The following RGS22 variants were observed in gnomAD, a reference collection of about 807,000 sequenced individuals.
The protein encoded by RGS22 is regulator of G-protein signaling 22.
RGS22 carries 148 observed loss-of-function variants against 172.9 expected under a neutral mutation model. That is an observed-to-expected ratio of 0.86 (90% CI 0.75 to 0.98). The LOEUF is 0.98. RGS22 is among the 50% of genes least tolerant of loss of function. The pLI is 0.00. For missense variants in RGS22, 1,347 were observed against 1,440.8 expected (o/e 0.93, Z 1.05); for synonymous variants, 458 against 480.2 (o/e 0.95, Z 0.60).
rs190078861 is a variant in RGS22, at chr8:100,083,958, T to C, written c.118-3603A>G. Reference sequence around the variant, plus strand: ...TCCGCCTCCCGAGTTCAAGGGATTCTCCTGCCTCAGCCTCCCAAGTAGCTG... The same window carrying C: ...TCCGCCTCCCGAGTTCAAGGGATTCCCCTGCCTCAGCCTCCCAAGTAGCTG... On this transcript the variant is annotated intron_variant, in intron 3 of 27. Coordinates refer to ENST00000360863, the MANE Select transcript of RGS22 (RefSeq NM_015668.5). Among the ~76,000 whole-genome samples, 3 of 151,608 alleles carry C rather than the reference T, an allele frequency of 2.0e-5. No homozygotes were observed. The East Asian group carries it at 5.9e-4, about 30-fold the overall frequency.
intron 9 of RGS22, among the ~76,000 whole-genome samples, chr8:100,055,709 C>G (rs1368863435): frequency 6.6e-6 from 1 of 152,172 alleles, no homozygotes; most frequent in Non-Finnish European, 1.5e-5. Context: ...TTACAGTTCC[C>G]CTGCACAAGT....
chr8:100,085,687 C>A (rs137907620), intron 3 of RGS22, among the ~76,000 whole-genome samples: 1 of 152,278 alleles, frequency 6.6e-6, no homozygotes, highest in East Asian at 1.9e-4. Context: ...TCACCCTTAG[C>A]ATGATGATAT....
intron 19 of RGS22, among the ~76,000 whole-genome samples, chr8:99,998,880 G>A (rs938066176): frequency 4.6e-5 from 7 of 152,170 alleles, no homozygotes; most frequent in Non-Finnish European, 1.0e-4. Flanking sequence ...ACTAAGGCCT[G>A]GCATGGCGTC....
In RGS22 at chr8:100,036,003, T is replaced by G. The variant is rs145468734; in HGVS notation, c.2166+2928A>C. Among the ~76,000 whole-genome samples the G allele has an allele frequency of 5.9e-3, 896 of 152,210 alleles. 6 individuals are homozygous for G. The highest frequency in any genetic ancestry group is 0.021 in the African/African-American group (858 of 41,494). ...GGATAGCATTAGGAGAAATACCTAA[T>G]GTAAATGACAAGTTGATGGGTGCAG... On this transcript the variant is annotated intron_variant, in intron 14 of 27. Transcript: ENST00000360863.
At chr8:100,099,826 C>T (rs902576858) in intron 2 of RGS22, among the ~76,000 whole-genome samples, 6 of 152,184 alleles carry the variant, frequency 3.9e-5, no homozygotes, top group African/African-American at 1.4e-4. Flanking sequence ...GCTCTGCAAC[C>T]TCTTAAAGAA....
At chr8:100,082,133 T>C (rs1005013492) in intron 3 of RGS22, among the ~76,000 whole-genome samples, 1 of 152,192 alleles carries the variant, frequency 6.6e-6, no homozygotes, top group Admixed American at 6.5e-5. Flanking sequence ...GTAGTTACGG[T>C]ATAGTTGGCA....
At chr8:99,968,545 A>C (rs1216326755) in intron 23 of RGS22, among the ~76,000 whole-genome samples, 1 of 152,024 alleles carries the variant, frequency 6.6e-6, no homozygotes, top group Admixed American at 6.6e-5. Flanking sequence ...TGAATGACCT[A>C]ATGGAGCTGA....
chr8:100,006,147 TG>T, intron 15 of RGS22, 38 bp from the exon 16 acceptor site: 1 of 1,534,608 alleles, frequency 6.5e-7, no homozygotes, highest in Non-Finnish European at 8.9e-7. Context: ...ATCAAGAGAA[TG>T]TACAATTTGC....
chr8:100,052,357 A>T (rs1821752279), intron 10 of RGS22, among the ~76,000 whole-genome samples: 1 of 148,130 alleles, frequency 6.8e-6, no homozygotes, highest in East Asian at 2.0e-4. Context: ...GCTGGAGTGC[A>T]GTGGCGCTAT....
chr8:100,067,269 T>C (rs538009557), intron 6 of RGS22, among the ~76,000 whole-genome samples: 2 of 152,228 alleles, frequency 1.3e-5, no homozygotes, highest in East Asian at 3.9e-4. Context: ...GACAGAGAAA[T>C]CAGAGGTGGC....
At chr8:100,045,475 A>C (rs1355092184) in intron 11 of RGS22, among the ~76,000 whole-genome samples, 1 of 152,172 alleles carries the variant, frequency 6.6e-6, no homozygotes, top group Non-Finnish European at 1.5e-5. Flanking sequence ...AATAGTTCTT[A>C]AACAGATTTT....
chr8:99,984,528 C>G (rs1472406548), intron 21 of RGS22, among the ~76,000 whole-genome samples: 1 of 152,026 alleles, frequency 6.6e-6, no homozygotes, highest in Non-Finnish European at 1.5e-5. Flanking sequence ...ATACTTTCCT[C>G]TAGTAAGCTT....
In RGS22 at chr8:100,008,392, G is replaced by C. The variant is rs146844474; in HGVS notation, c.2344C>G (p.Gln782Glu). 4.3e-6 allele frequency: 7 copies of C among 1,609,940 alleles called. No individual in the cohort carries two copies. In the South Asian group the frequency reaches 6.7e-5, roughly 15 times the overall value. ...CACGGTACCTTTTTATAAGCAATTT[G>C]GTCCGATTTTACCATCTTTGTCCAT... Reference protein sequence around the residue: ...EPWTKMVKSDQIAYKKVELVE... With the variant: ...EPWTKMVKSDEIAYKKVELVE... Residue 782 changes from glutamine to glutamate, a missense_variant, in exon 15 of 28, where the codon CAA becomes GAA. Gln to Glu is a conservative substitution (Grantham distance 29). Coordinates refer to ENST00000360863, the MANE Select transcript of RGS22 (RefSeq NM_015668.5).
At chr8:100,024,638 A>G (rs1817976678) in intron 14 of RGS22, among the ~76,000 whole-genome samples, 2 of 152,240 alleles carry the variant, frequency 1.3e-5, no homozygotes, top group Non-Finnish European at 2.9e-5. Context: ...AAAGTGAAAG[A>G]TTAAACAAGG....
intron 18 of RGS22, among the ~76,000 whole-genome samples, chr8:100,000,193 C>T (rs4734443): frequency 0.34 from 52,225 of 151,926 alleles, 10,055 homozygotes; most frequent in East Asian, 0.45. Context: ...GTACATACCA[C>T]TCAAAATTTC....
intron 9 of RGS22, among the ~76,000 whole-genome samples, chr8:100,059,631 G>GAT (rs1219550017): frequency 6.6e-6 from 1 of 152,116 alleles, no homozygotes; most frequent in Non-Finnish European, 1.5e-5. Context: ...GGAGCACTCT[G>GAT]ATATATAAAG....
rs147057121 is a variant in RGS22, at chr8:100,006,309, A to G, written c.2362-200T>C. ...TAAAAAATGCATACATTTCTATGTA[A>G]TGATATAGTGCCACCAAAGATCATT... is the stretch of plus-strand genomic sequence containing the variant. On this transcript the variant is annotated intron_variant, in intron 15 of 27. Coordinates refer to ENST00000360863, the MANE Select transcript of RGS22 (RefSeq NM_015668.5). 1.7e-4 allele frequency among the ~76,000 whole-genome samples: 26 copies of G among 152,352 alleles called. No individual in the cohort carries two copies. The East Asian group carries it at 5.0e-3, about 29-fold the overall frequency.
chr8:99,999,359 A>G lies in RGS22; in HGVS notation c.2852T>C (p.Leu951Pro). ...ILHEQLDAPV[L>P]VEIQKHVQNR... ...TTGCACATGCTTCTGGATTTCAACT[A>G]GAACAGGTGCATCAAGCTGCTCATG... is the stretch of plus-strand genomic sequence containing the variant. The change falls in exon 19 of 28, where the codon CTA becomes CCA. Residue 951 changes from leucine to proline, a missense_variant. By Grantham distance (98) the Leu-to-Pro change is moderately conservative. Transcript: ENST00000360863. The G allele has an allele frequency of 6.2e-7, 1 of 1,613,984 alleles. No homozygotes were observed. Among genetic ancestry groups the G allele is most frequent in the Non-Finnish European group, 8.5e-7 (1 of 1,179,910 alleles).
At position 99,965,520 on chromosome 8, in the gene RGS22, CATA is replaced by C. The variant is rs577736937; in HGVS notation, c.3520-93_3520-91del. The C allele has an allele frequency of 6.8e-6, 6 of 885,740 alleles. No homozygotes were observed. In the East Asian group the frequency reaches 1.4e-4, roughly 20 times the overall value. 54.9% of individuals were successfully genotyped at this position (885,740 alleles called of 1,614,324 possible). On this transcript the variant is annotated intron_variant, in intron 23 of 27. Coordinates refer to ENST00000360863, the MANE Select transcript of RGS22 (RefSeq NM_015668.5). ...GCTAAGGAGTTATAACATCATATGA[CATA>C]ATATTTCATAGTGAGTGCTGCACTT...
Sources: allele counts gnomAD v4.1 joint callset (sites outside exome capture counted in the v4.1 genomes callset), GRCh38; gene constraint gnomAD v4.1.1; transcripts MANE v1.5; gene names NCBI Gene and HGNC (gene_info 2026-07-23, HGNC 2026-07-21).